The following FOXN3 variants were observed in gnomAD, a reference collection of about 807,000 sequenced individuals.
FOXN3 encodes the protein forkhead box protein N3.
In FOXN3, 7 loss-of-function variants were observed where a neutral mutation model predicts 38.4. The ratio of observed to expected loss-of-function variants is 0.18; its 90% confidence interval spans 0.10 to 0.34. The LOEUF (loss-of-function observed/expected upper bound fraction) is 0.34. Ranked by LOEUF, FOXN3 falls within the 10% of genes least tolerant of loss-of-function variation. The pLI, the probability that FOXN3 is intolerant of heterozygous loss-of-function variation, is 1.00. For synonymous variants in FOXN3, 230 were observed against 242.2 expected, an observed-to-expected ratio of 0.95 and a Z score of 0.47; for missense variants, 456 against 613.4, an observed-to-expected ratio of 0.74 and a Z score of 2.71.
intron 3 of FOXN3, among the ~76,000 whole-genome samples, chr14:89,309,124 G>A (rs570776442): frequency 3.4e-4 from 51 of 152,198 alleles, no homozygotes; most frequent in Admixed American, 2.7e-3. Context: ...TCCAAACTAC[G>A]ATACACCAGG....
At chr14:89,453,570 A>AAAG (rs1892663299) in intron 1 of FOXN3, among the ~76,000 whole-genome samples, 1 of 151,730 alleles carries the variant, frequency 6.6e-6, no homozygotes, top group Admixed American at 6.6e-5. Context: ...AAAAAAAAAA[A>AAAG]AAAAAAAAAG....
At chr14:89,316,662 A>G (rs900545827) in intron 3 of FOXN3, among the ~76,000 whole-genome samples, 2 of 138,544 alleles carry the variant, frequency 1.4e-5, no homozygotes, top group African/African-American at 5.8e-5. Flanking sequence ...CGCCCAGCCT[A>G]TGATGAATTT....
intron 4 of FOXN3, among the ~76,000 whole-genome samples, chr14:89,266,194 T>G (rs1885973359): frequency 6.6e-6 from 1 of 152,158 alleles, no homozygotes; most frequent in Non-Finnish European, 1.5e-5. Flanking sequence ...TTCTCACAGT[T>G]CTGGAGGCTA....
At chr14:89,569,180 G>C (rs28446914) in intron 1 of FOXN3, among the ~76,000 whole-genome samples, 4,667 of 152,162 alleles carry the variant, frequency 0.031, 249 homozygotes, top group African/African-American at 0.11. Context: ...ACTCTAGCCT[G>C]GGGGACAGAG....
chr14:89,366,815 G>C (rs1241993046), intron 2 of FOXN3, among the ~76,000 whole-genome samples: 1 of 152,124 alleles, frequency 6.6e-6, no homozygotes, highest in East Asian at 1.9e-4. Flanking sequence ...AGGTAACGTG[G>C]GCCTGACACA....
chr14:89,408,825 C>A (rs1204584800), intron 2 of FOXN3, among the ~76,000 whole-genome samples: 1 of 152,104 alleles, frequency 6.6e-6, no homozygotes, highest in African/African-American at 2.4e-5. Flanking sequence ...CCTTCAGGTG[C>A]ATTTAGTCAC....
chr14:89,266,890 C>T (rs1462348173), intron 4 of FOXN3, among the ~76,000 whole-genome samples: 1 of 152,180 alleles, frequency 6.6e-6, no homozygotes, highest in African/African-American at 2.4e-5. Context: ...TGCAGCAACA[C>T]CAAAAGCTCA....
At chr14:89,401,644 T>C (rs1257802872) in intron 2 of FOXN3, 3 of 456,026 alleles carry the variant, frequency 6.6e-6, no homozygotes, top group Non-Finnish European at 1.3e-5. Context: ...TAGCCACGAT[T>C]AGAGTCAGCG....
At chr14:89,179,689 G>T (rs769719163) in intron 5 of FOXN3, among the ~76,000 whole-genome samples, 2 of 152,116 alleles carry the variant, frequency 1.3e-5, no homozygotes, top group Admixed American at 6.5e-5. Context: ...CTCATTGAAG[G>T]GCTAAAGCAT....
At chr14:89,409,891 G>T (rs1891496143) in intron 2 of FOXN3, among the ~76,000 whole-genome samples, 4 of 152,146 alleles carry the variant, frequency 2.6e-5, no homozygotes, top group African/African-American at 9.7e-5. Flanking sequence ...GAGCTTCATG[G>T]TCAAGGAAAT....
Position 89,164,630 on chromosome 14 carries a change from G to A in FOXN3, c.852-1661C>T, listed in dbSNP as rs1424373613. Among the ~76,000 whole-genome samples the A allele has an allele frequency of 4.6e-5, 7 of 152,188 alleles. No individual in the cohort carries two copies. The highest frequency in any genetic ancestry group is 1.9e-4 in the East Asian group (1 of 5,196). ...GCACGGTGGACACAGCAGATAAACT[G>A]AGGAAGTGCGGCACAGGTGGAATCA... is the stretch of plus-strand genomic sequence containing the variant. On this transcript the variant is annotated intron_variant, in intron 5 of 5. Transcript: ENST00000557258. This position sits in a 1 kb window ranked among gnomAD's most constrained non-coding sequence, Gnocchi z 4.3.
intron 4 of FOXN3, among the ~76,000 whole-genome samples, chr14:89,272,822 C>T (rs199896230): frequency 6.6e-6 from 1 of 152,118 alleles, no homozygotes; most frequent in East Asian, 1.9e-4. Context: ...CACTACACTC[C>T]AGCCTGGGCA....
intron 5 of FOXN3, among the ~76,000 whole-genome samples, chr14:89,177,484 T>C (rs1887553003): frequency 6.6e-6 from 1 of 152,168 alleles, no homozygotes; most frequent in Admixed American, 6.5e-5. Flanking sequence ...AGCTGTGCCA[T>C]TACAAAGCTA....
chr14:89,264,630 G>A (rs1443491779), intron 4 of FOXN3, among the ~76,000 whole-genome samples: 1 of 152,128 alleles, frequency 6.6e-6, no homozygotes, highest in African/African-American at 2.4e-5. Flanking sequence ...TGAGAATCAG[G>A]CCCAAGAAGA....
At position 89,191,961 on chromosome 14, in the gene FOXN3, T is replaced by TAC. The variant is rs528977052; in HGVS notation, c.746-11157_746-11156dup. On this transcript the variant is annotated intron_variant, in intron 4 of 5. Coordinates refer to ENST00000557258, the MANE Select transcript of FOXN3 (RefSeq NM_005197.4). ...CCACTGATATTAGTATATATATATA[T>TAC]ACACATATATATAACTATAATATAT... 1.0e-3 allele frequency among the ~76,000 whole-genome samples: 72 copies of TAC among 71,754 alleles called. 2 individuals carry two copies. Among genetic ancestry groups the TAC allele is most frequent in the African/African-American group, 6.9e-3 (71 of 10,290 alleles). 47.1% of individuals were successfully genotyped at this position (71,754 alleles called of 152,430 possible). A position where few individuals can be genotyped will look rare whatever the true frequency, so the allele number is the denominator to read the frequency against.
At chr14:89,344,868 G>C (rs1888717711) in intron 3 of FOXN3, among the ~76,000 whole-genome samples, 1 of 152,178 alleles carries the variant, frequency 6.6e-6, no homozygotes, top group Non-Finnish European at 1.5e-5. Flanking sequence ...TCTTTAATGA[G>C]AAATGACGTA....
intron 3 of FOXN3, among the ~76,000 whole-genome samples, chr14:89,307,691 T>A (rs941730904): frequency 1.4e-5 from 2 of 146,898 alleles, no homozygotes; most frequent in African/African-American, 2.7e-5. Context: ...GAGACACGTG[T>A]TTGCATCCTA....
chr14:89,215,862 A>G (rs375776497), intron 4 of FOXN3, among the ~76,000 whole-genome samples: 33 of 152,372 alleles, frequency 2.2e-4, no homozygotes, highest in African/African-American at 6.7e-4. Context: ...ACAGCTGGGC[A>G]GATGACGGAA....
chr14:89,509,823 G>T (rs1347257170), intron 1 of FOXN3, among the ~76,000 whole-genome samples: 1 of 152,242 alleles, frequency 6.6e-6, no homozygotes, highest in East Asian at 1.9e-4. Context: ...TGAATTGTTT[G>T]CTTACATCTG....
Sources: allele counts gnomAD v4.1 joint callset (sites outside exome capture counted in the v4.1 genomes callset), GRCh38; gene constraint gnomAD v4.1.1; non-coding constraint Gnocchi (gnomAD v3.1); transcripts MANE v1.5; gene names NCBI Gene and HGNC (gene_info 2026-07-23, HGNC 2026-07-21).